MMD2: variants seen among roughly 807,000 people sequenced by gnomAD.
The protein encoded by MMD2 is monocyte to macrophage differentiation associated 2.
In MMD2, 30 loss-of-function variants were observed where a neutral mutation model predicts 33.5. The ratio of observed to expected loss-of-function variants is 0.90; its 90% CI spans 0.67 to 1.22. The LOEUF (loss-of-function observed/expected upper bound fraction) is 1.22. MMD2 is among the 50% of genes most tolerant of loss of function. The pLI is 0.00. For missense variants in MMD2, 364 were observed against 325.4 expected (o/e 1.12, Z -0.91); for synonymous variants, 129 against 123.0 (o/e 1.05, Z -0.32).
At chr7:4,942,779 C>G (rs537465906) in intron 1 of MMD2, among the ~76,000 whole-genome samples, 207 of 151,460 alleles carry the variant, frequency 1.4e-3, no homozygotes, top group African/African-American at 4.8e-3. Context: ...CCTCACCCGG[C>G]TTTTTTGTTT....
At chr7:4,939,411 T>C (rs1256237360) in intron 1 of MMD2, among the ~76,000 whole-genome samples, 1 of 150,758 alleles carries the variant, frequency 6.6e-6, no homozygotes, top group Non-Finnish European at 1.5e-5. Flanking sequence ...GGTGTGGTGG[T>C]GTGTACCTGT....
downstream of MMD2, among the ~76,000 whole-genome samples, chr7:4,901,864 A>T (rs562357600): frequency 1.6e-4 from 24 of 152,350 alleles, no homozygotes; most frequent in African/African-American, 5.0e-4. Flanking sequence ...TGGCAATGCC[A>T]CTTTGGCAGC....
At chr7:4,910,668 G>A (rs947412920) in intron 5 of MMD2, among the ~76,000 whole-genome samples, 7 of 151,648 alleles carry the variant, frequency 4.6e-5, no homozygotes, top group Non-Finnish European at 8.8e-5. Flanking sequence ...TTGCTCTGTC[G>A]CCCAGGCTGG....
At chr7:4,935,272 G>A (rs1418223709) in intron 1 of MMD2, among the ~76,000 whole-genome samples, 1 of 152,008 alleles carries the variant, frequency 6.6e-6, no homozygotes, top group African/African-American at 2.4e-5. Flanking sequence ...AGGATCATAT[G>A]AGCCAGGAGG....
chr7:4,934,669 G>C (rs1293443770), intron 1 of MMD2, among the ~76,000 whole-genome samples: 1 of 152,210 alleles, frequency 6.6e-6, no homozygotes, highest in African/African-American at 2.4e-5. Flanking sequence ...AACTGAGCCA[G>C]GACCCAGAGC....
At chr7:4,932,026 T>G (rs576719165) in intron 1 of MMD2, among the ~76,000 whole-genome samples, 6 of 152,200 alleles carry the variant, frequency 3.9e-5, no homozygotes, top group Non-Finnish European at 5.9e-5. Flanking sequence ...GGTCTCTCCC[T>G]CTACCTGCCA....
At chr7:4,898,212 G>T in the MMD2 span, among the ~76,000 whole-genome samples, 1 of 152,130 alleles carries the variant, frequency 6.6e-6, no homozygotes, top group African/African-American at 2.4e-5. Flanking sequence ...GTGGGGTCAG[G>T]GTTCTGGGTA....
At chr7:4,936,591 C>T (rs976768640) in intron 1 of MMD2, among the ~76,000 whole-genome samples, 8 of 152,110 alleles carry the variant, frequency 5.3e-5, no homozygotes, top group African/African-American at 1.4e-4. Context: ...TGGGGTTTCA[C>T]TGTGTTGCTC....
At chr7:4,909,739 G>T (rs1784957012) in intron 6 of MMD2, 142 bp downstream of exon 6, 1 of 1,125,334 alleles carries the variant, frequency 8.9e-7, no homozygotes, top group African/African-American at 1.5e-5. Context: ...CTGGCCTACT[G>T]CCTCTTTAGA....
At chr7:4,949,519 CT>C (rs941391022) in intron 1 of MMD2, among the ~76,000 whole-genome samples, 600 of 144,186 alleles carry the variant, frequency 4.2e-3, no homozygotes, top group African/African-American at 5.7e-3. Flanking sequence ...GAATCTCAGT[CT>C]TTTTTTTTTT....
intron 2 of MMD2, among the ~76,000 whole-genome samples, 190 bp from the exon 3 acceptor site, chr7:4,920,521 C>T (rs962252795): frequency 2.0e-5 from 3 of 151,704 alleles, no homozygotes; most frequent in African/African-American, 7.2e-5. Flanking sequence ...TTCTTCCTTC[C>T]TTCCCTCCCT....
chr7:4,894,853 A>C, the MMD2 span, among the ~76,000 whole-genome samples: 1 of 152,036 alleles, frequency 6.6e-6, no homozygotes, highest in Non-Finnish European at 1.5e-5. The surrounding 1 kb of genome is among the most constrained non-coding windows in gnomAD (Gnocchi z 4.3). Flanking sequence ...CACCCAAACA[A>C]GTTGAAGGGT....
intron 1 of MMD2, 76 bp from the exon 2 acceptor site, chr7:4,925,608 C>A: frequency 9.0e-7 from 1 of 1,107,414 alleles, no homozygotes; most frequent in South Asian, 1.7e-5. Context: ...AGCCTGAAGA[C>A]CTTACTTCCT....
In MMD2 at chr7:4,907,426, G is replaced by C. The variant is rs1206587359; in HGVS notation, c.711C>G (p.Pro237=). The C allele has an allele frequency of 1.2e-6, 2 of 1,613,768 alleles. No individual in the cohort carries two copies. The highest frequency in any genetic ancestry group is 2.7e-5 in the African/African-American group (2 of 74,928). ...TGGACACCTTGGTCTGCAGGGTGCT[G>C]GGCAGATAGAGGTACCTCCAGATGG... ...YYAIWRYLYL[P]STLQTKVSK is the part of the protein sequence containing the mutation. Residue 237 remains proline, a synonymous_variant, in exon 7 of 7, where the codon CCC becomes CCG. Transcript: ENST00000401401.
At chr7:4,924,856 G>A (rs889381247) in intron 2 of MMD2, among the ~76,000 whole-genome samples, 8 of 152,138 alleles carry the variant, frequency 5.3e-5, no homozygotes, top group Admixed American at 1.3e-4. Flanking sequence ...TGGGAGGTGC[G>A]TGGACAGACG....
At position 4,908,709 on chromosome 7, in the gene MMD2, C is replaced by T. The variant is rs190004515; in HGVS notation, c.538-1110G>A. Among the ~76,000 whole-genome samples the T allele has an allele frequency of 2.4e-3, 366 of 151,630 alleles. 1 individual carries two copies. Among genetic ancestry groups the T allele is most frequent in the Middle Eastern group, 0.01 (3 of 292 alleles). On this transcript the variant is annotated intron_variant, in intron 6 of 6. Transcript: ENST00000401401. ...GTCAGGAGTTCGAGACCAGCCTGGC[C>T]AACATAGTGAAACCCCATCTCTACT...
In MMD2 at chr7:4,937,561, C is replaced by T. The variant is rs146617407; in HGVS notation, c.48-12029G>A. On this transcript the variant is annotated intron_variant, in intron 1 of 6. Transcript: ENST00000401401. ...TCTCGCCCTGTCATTCACGCTGAAACGCACTGGCACAATCATAGTTTGTTG... is the reference window on the plus strand; with the variant it reads ...TCTCGCCCTGTCATTCACGCTGAAATGCACTGGCACAATCATAGTTTGTTG... 9.4e-4 allele frequency among the ~76,000 whole-genome samples: 143 copies of T among 152,218 alleles called. 2 individuals are homozygous for T. Among genetic ancestry groups the T allele is most frequent in the East Asian group, 8.5e-3 (44 of 5,188 alleles).
At chr7:4,935,544 G>A (rs1262813392) in intron 1 of MMD2, among the ~76,000 whole-genome samples, 2 of 151,452 alleles carry the variant, frequency 1.3e-5, no homozygotes, top group African/African-American at 4.9e-5. Context: ...AGACGTGGTG[G>A]CATGCATCTA....
intron 1 of MMD2, among the ~76,000 whole-genome samples, chr7:4,936,842 C>T (rs921711204): frequency 6.6e-6 from 1 of 152,050 alleles, no homozygotes; most frequent in African/African-American, 2.4e-5. Flanking sequence ...TCAAGCAATT[C>T]TCTTCCCTCA....
Sources: allele counts gnomAD v4.1 joint callset (sites outside exome capture counted in the v4.1 genomes callset), GRCh38; gene constraint gnomAD v4.1.1; non-coding constraint Gnocchi (gnomAD v3.1); transcripts MANE v1.5; gene names NCBI Gene and HGNC (gene_info 2026-07-23, HGNC 2026-07-21).